The following RNF215 variants were observed in gnomAD, a reference collection of about 807,000 sequenced individuals.
RNF215 encodes ring finger protein 215.
RNF215 carries 41 observed loss-of-function variants against 44.8 expected under a neutral mutation model. That is an observed-to-expected ratio of 0.92 (90% CI 0.71 to 1.19). The LOEUF (loss-of-function observed/expected upper bound fraction) is 1.19. Among genes scored for constraint, RNF215 ranks in the 50% most tolerant of loss-of-function variants. RNF215 has a pLI of 0.00. For missense variants in RNF215, 452 were observed against 496.2 expected, an observed-to-expected ratio of 0.91 and a Z score of 0.85; for synonymous variants, 218 against 230.1, an observed-to-expected ratio of 0.95 and a Z score of 0.48.
Position 30,386,006 on chromosome 22 carries a change from A to T in RNF215, c.502-17T>A, listed in dbSNP as rs771209883. On this transcript the variant is annotated splice_polypyrimidine_tract_variant and intron_variant, in intron 3 of 8. Coordinates refer to ENST00000382363, the MANE Select transcript of RNF215 (RefSeq NM_001017981.2). ...TATGTCCAGCTGCAGGGAGACAAGG[A>T]GGTCAGCAGGCCTGGGTCCCCCTTT... 5.3e-5 allele frequency: 85 copies of T among 1,613,996 alleles called. 2 individuals are homozygous for T. The South Asian group carries it at 9.1e-4, about 17-fold the overall frequency.
intron 7 of RNF215, 114 bp from the exon 8 acceptor site, chr22:30,379,927 A>C (rs565587353): frequency 1.1e-5 from 16 of 1,516,286 alleles, no homozygotes; most frequent in Non-Finnish European, 9.0e-7. Flanking sequence ...GGCTTCCCCC[A>C]CCCCCCTGAA....
intron 4 of RNF215, among the ~76,000 whole-genome samples, 164 bp downstream of exon 4, chr22:30,385,740 G>A (rs950940908): frequency 2.6e-5 from 4 of 151,044 alleles, no homozygotes; most frequent in Non-Finnish European, 5.9e-5. Flanking sequence ...AGCCGAGATT[G>A]CGCCACTGCA....
chr22:30,381,676 A>G lies in RNF215; in HGVS notation c.745-1275T>C, dbSNP rs193028802. ...GCTCATCTACCGTCATGTGGGGAAG[A>G]GGGGCTGAGAAATGATCTGATATGA... On this transcript the variant is annotated intron_variant, in intron 5 of 8. Coordinates refer to ENST00000382363, the MANE Select transcript of RNF215 (RefSeq NM_001017981.2). Among the ~76,000 whole-genome samples, 37 of 152,290 alleles carry G rather than the reference A, an allele frequency of 2.4e-4. No homozygotes were observed. The East Asian group carries it at 6.6e-3, about 27-fold the overall frequency.
intron 5 of RNF215, among the ~76,000 whole-genome samples, chr22:30,382,446 T>G (rs539846146): frequency 6.7e-6 from 1 of 149,906 alleles, no homozygotes; most frequent in Non-Finnish European, 1.5e-5. Flanking sequence ...TACCCTTGAA[T>G]GCCCTTGATG....
At chr22:30,384,169 G>A (rs73406464) in intron 5 of RNF215, among the ~76,000 whole-genome samples, 170 bp downstream of exon 5, 37 of 152,270 alleles carry the variant, frequency 2.4e-4, no homozygotes, top group African/African-American at 8.7e-4. Context: ...CGCCCCAACT[G>A]AGCGCCCACC....
At position 30,387,278 on chromosome 22, in the gene RNF215, C is replaced by CGGCGAT; in HGVS notation, c.30_35dup (p.Ser11_Pro12dup). The CGGCGAT allele has an allele frequency of 9.4e-7, 1 of 1,064,260 alleles. No individual in the cohort carries two copies. The highest frequency in any genetic ancestry group is 1.7e-5 in the African/African-American group (1 of 58,712). 65.9% of individuals were successfully genotyped at this position (1,064,260 alleles called of 1,614,324 possible). A position where few individuals can be genotyped will look rare whatever the true frequency, so the allele number is the denominator to read the frequency against. ...ACGGAGGCGGCGGCGGAGGCGGCGGCGGCGATCTCAGCGCGGGGCGAGCGG... is the reference window on the plus strand; with the variant it reads ...ACGGAGGCGGCGGCGGAGGCGGCGGCGGCGATGGCGATCTCAGCGCGGGGCGAGCGG... On this transcript the variant is annotated inframe_insertion, in exon 1 of 9. Transcript: ENST00000382363.
chr22:30,386,799 T>A (rs1198931468), intron 1 of RNF215, 40 bp from the exon 2 acceptor site: 1 of 1,584,114 alleles, frequency 6.3e-7, no homozygotes, highest in South Asian at 1.1e-5. Context: ...AGGTAGGGTG[T>A]GGTGGGGGAG....
rs1012201937 is a variant in RNF215 at position 30,387,352 on chromosome 22, G to T, written c.-39C>A. 4 of 1,044,486 alleles carry T rather than the reference G, an allele frequency of 3.8e-6. No individual in the cohort carries two copies. Among genetic ancestry groups the T allele is most frequent in the Non-Finnish European group, 4.6e-6 (4 of 868,972 alleles). 64.7% of individuals were successfully genotyped at this position (1,044,486 alleles called of 1,614,324 possible). On this transcript the variant is annotated 5_prime_UTR_variant, in exon 1 of 9. Transcript: ENST00000382363. ...GAGCTGGCCCAACAGTGGGGCCAGG[G>T]GTCCCGGGCGCGGGGGGGATCGGAG... is the stretch of plus-strand genomic sequence containing the variant.
intron 1 of RNF215, 65 bp downstream of exon 1, chr22:30,386,964 G>T: frequency 6.6e-7 from 1 of 1,517,628 alleles, no homozygotes; most frequent in East Asian, 2.5e-5. Context: ...TTCAGGGTGC[G>T]GGGTCTCTAG....
intron 1 of RNF215, 100 bp from the exon 2 acceptor site, chr22:30,386,859 C>A: frequency 6.7e-7 from 1 of 1,499,748 alleles, no homozygotes; most frequent in Non-Finnish European, 8.9e-7. Context: ...CCCAGAGCAT[C>A]TGGCTCTCTG....
chr22:30,386,153 T>C lies in RNF215; in HGVS notation c.430-12A>G. ...AGGGCCCGCCGCATCTGCAGAGGGA[T>C]AGAAGGCGAGAGGCTAGCATATACC... On this transcript the variant is annotated splice_polypyrimidine_tract_variant and intron_variant, in intron 2 of 8. Transcript: ENST00000382363. The C allele has an allele frequency of 6.3e-7, 1 of 1,585,246 alleles. No individual in the cohort carries two copies. Among genetic ancestry groups the C allele is most frequent in the Non-Finnish European group, 8.6e-7 (1 of 1,166,120 alleles).
intron 4 of RNF215, among the ~76,000 whole-genome samples, chr22:30,385,196 T>C (rs1476929075): frequency 1.3e-5 from 2 of 151,282 alleles, no homozygotes; most frequent in African/African-American, 4.9e-5. Flanking sequence ...CCGAGACGAG[T>C]AGATCACAAG....
At chr22:30,384,596 C>T (rs548127480) in intron 4 of RNF215, 101 bp from the exon 5 acceptor site, 53 of 1,062,874 alleles carry the variant, frequency 5.0e-5, no homozygotes, top group Non-Finnish European at 5.9e-5. Flanking sequence ...CTACGACTGT[C>T]GCCCCTGCTG....
chr22:30,386,275 T>C, intron 2 of RNF215, 134 bp from the exon 3 acceptor site: 1 of 847,748 alleles, frequency 1.2e-6, no homozygotes, highest in Non-Finnish European at 1.8e-6. Flanking sequence ...ATAAGCTCCT[T>C]GAGGTCAAAG....
chr22:30,387,056 C>A lies in RNF215; in HGVS notation c.258G>T (p.Ala86=). ...GVRIGSEADP[A]PLLGGRLLLM... is the part of the protein sequence containing the mutation. ...GCAGCAGACGACCGCCCAGCAGGGG[C>A]GCCGGGTCGGCTTCGGAGCCGATCC... Residue 86 remains alanine, a synonymous_variant, in exon 1 of 9, where the codon GCG becomes GCT. Coordinates refer to ENST00000382363, the MANE Select transcript of RNF215 (RefSeq NM_001017981.2). 6.5e-7 allele frequency: 1 copy of A among 1,543,728 alleles called. No homozygotes were observed. Among genetic ancestry groups the A allele is most frequent in the Non-Finnish European group, 8.7e-7 (1 of 1,150,434 alleles).
intron 7 of RNF215, 51 bp from the exon 8 acceptor site, chr22:30,379,864 T>C (rs779140078): frequency 6.5e-7 from 1 of 1,538,080 alleles, no homozygotes; most frequent in East Asian, 2.3e-5. Context: ...GGACTCCACG[T>C]GGGGGTGCCT....
In RNF215 at chr22:30,379,227, A is replaced by C; in HGVS notation, c.*373T>G. 7.6e-6 allele frequency: 2 copies of C among 263,486 alleles called. No individual in the cohort carries two copies. Among genetic ancestry groups the C allele is most frequent in the Non-Finnish European group, 1.5e-5 (2 of 134,988 alleles). The allele number at this position is 263,486 out of a possible 1,614,324, so 16.3% of individuals were successfully genotyped here. On this transcript the variant is annotated 3_prime_UTR_variant, in exon 9 of 9. Coordinates refer to ENST00000382363, the MANE Select transcript of RNF215 (RefSeq NM_001017981.2). ...CCTGGCCACTGTAGTCTCAGCCCCC[A>C]GGAATTCCCAGACAGGCCACAGGGA... is the stretch of plus-strand genomic sequence containing the variant.
chr22:30,385,553 G>A (rs1379769219), intron 4 of RNF215, among the ~76,000 whole-genome samples: 1 of 151,992 alleles, frequency 6.6e-6, no homozygotes, highest in Non-Finnish European at 1.5e-5. Flanking sequence ...TTGGGAGGCC[G>A]AGGCAGGTGG....
rs1381467197 is a variant in RNF215 at position 30,386,668 on chromosome 22, T to C, written c.377A>G (p.Gln126Arg). The change falls in exon 2 of 9, where the codon CAG becomes CGG. Residue 126 changes from glutamine to arginine, a missense_variant. Gln to Arg is a conservative substitution (Grantham distance 43). Coordinates refer to ENST00000382363, the MANE Select transcript of RNF215 (RefSeq NM_001017981.2). Reference sequence around the variant, plus strand: ...CTGCGGGCCACTGCCCTTATTCTCCTGGTGGAACTGGGCCGCCTGCTCCTT... The same window carrying C: ...CTGCGGGCCACTGCCCTTATTCTCCCGGTGGAACTGGGCCGCCTGCTCCTT... ...VGKEQAAQFH[Q>R]ENKGSGPQAY... The C allele has an allele frequency of 3.1e-6, 5 of 1,613,204 alleles. No individual in the cohort carries two copies. In the East Asian group the frequency reaches 8.9e-5, roughly 29 times the overall value.
Sources: gnomAD v4.1 joint callset for allele counts (sites outside exome capture counted in the v4.1 genomes callset) on GRCh38, gnomAD v4.1.1 for gene constraint, MANE v1.5 for transcripts, NCBI Gene and HGNC (gene_info 2026-07-23, HGNC 2026-07-21) for gene names.